TRAPPC12: variants seen among roughly 807,000 people sequenced by gnomAD.
The protein encoded by TRAPPC12 is trafficking protein particle complex subunit 12, also known as TPR repeat protein 15.
TRAPPC12 carries 61 observed loss-of-function variants against 69.2 expected under a neutral mutation model. That is an observed-to-expected ratio of 0.88 (90% CI 0.72 to 1.09). TRAPPC12 has a LOEUF of 1.09. Among genes scored for constraint, TRAPPC12 ranks in the 50% least tolerant of loss-of-function variants. The pLI is 0.00. For missense variants in TRAPPC12, 1,101 were observed against 1,016.4 expected, an observed-to-expected ratio of 1.08 and a Z score of -1.13; for synonymous variants, 469 against 438.9, an observed-to-expected ratio of 1.07 and a Z score of -0.86.
At chr2:3,410,660 A>G (rs1458057023) in intron 3 of TRAPPC12, among the ~76,000 whole-genome samples, 6 of 152,252 alleles carry the variant, frequency 3.9e-5, no homozygotes, top group African/African-American at 1.4e-4. Context: ...ATACGTAAGT[A>G]TCCATAATCA....
At chr2:3,424,029 G>A (rs1401502811) in intron 4 of TRAPPC12, among the ~76,000 whole-genome samples, 2 of 152,066 alleles carry the variant, frequency 1.3e-5, no homozygotes, top group African/African-American at 4.8e-5. Context: ...ACCCATCCCT[G>A]CGCTTCCTCT....
At chr2:3,400,471 G>C (rs115543074) in intron 2 of TRAPPC12, among the ~76,000 whole-genome samples, 1 of 151,982 alleles carries the variant, frequency 6.6e-6, no homozygotes, top group African/African-American at 2.4e-5. Context: ...CCCCCCAGCT[G>C]CCCCTGCCTC....
At position 3,460,268 on chromosome 2, in the gene TRAPPC12, A is replaced by C. The variant is rs140127955; in HGVS notation, c.1609A>C (p.Ile537Leu). The C allele has an allele frequency of 1.1e-6, 1 of 873,626 alleles. No individual in the cohort carries two copies. 54.1% of individuals were successfully genotyped at this position (873,626 alleles called of 1,614,324 possible). Residue 537 changes from isoleucine to leucine, a missense_variant, in exon 8 of 12, where the codon ATC becomes CTC. Transcript: ENST00000324266. ...SVTQEGRQAS[I>L]RLWRSRLGRV... is the part of the protein sequence containing the mutation. ...AGGCTGCTCTTACCTTGTAGCCTCTATCCGGCTGTGGAGGTCACGTCTGGG... is the reference window on the plus strand; with the variant it reads ...AGGCTGCTCTTACCTTGTAGCCTCTCTCCGGCTGTGGAGGTCACGTCTGGG...
intron 3 of TRAPPC12, among the ~76,000 whole-genome samples, chr2:3,407,962 G>C (rs1046973002): frequency 3.9e-4 from 60 of 152,160 alleles, no homozygotes; most frequent in African/African-American, 1.4e-3. Flanking sequence ...GGCTCTCACA[G>C]TAGCCACAGT....
rs150419515 is a variant in TRAPPC12, at chr2:3,424,698, C to G, written c.1417+35C>G. On this transcript the variant is annotated intron_variant, in intron 5 of 11. Coordinates refer to ENST00000324266, the MANE Select transcript of TRAPPC12 (RefSeq NM_016030.6). ...TGGTATTTAATATTTGTACATTTGTCTGTGTGTCGCTCTGGTTTGCTTTGA... is the reference window on the plus strand; with the variant it reads ...TGGTATTTAATATTTGTACATTTGTGTGTGTGTCGCTCTGGTTTGCTTTGA... 680 of 1,537,832 alleles carry G rather than the reference C, an allele frequency of 4.4e-4. 3 individuals carry two copies. In the East Asian group the frequency reaches 0.013, roughly 30 times the overall value.
At position 3,387,615 on chromosome 2, in the gene TRAPPC12, T is replaced by C. The variant is rs887489481; in HGVS notation, c.-4-5T>C. The C allele has an allele frequency of 2.0e-6, 3 of 1,522,938 alleles. No homozygotes were observed. Among genetic ancestry groups the C allele is most frequent in the African/African-American group, 1.4e-5 (1 of 71,816 alleles). The allele number at this position is 1,522,938 out of a possible 1,614,324, so 94.3% of individuals were successfully genotyped here. On this transcript the variant is annotated splice_region_variant and splice_polypyrimidine_tract_variant and intron_variant, in intron 1 of 11. Transcript: ENST00000324266. ...CAGGGGCCTTCTCTCTGTCTTTGCT[T>C]TCAGGGTCATGGAGGACGCTGGCGG...
chr2:3,419,504 A>G (rs998717285), intron 3 of TRAPPC12, among the ~76,000 whole-genome samples: 2 of 152,192 alleles, frequency 1.3e-5, no homozygotes, highest in African/African-American at 4.8e-5. Flanking sequence ...TAGTCTGGAC[A>G]GTTTAGGGGA....
chr2:3,466,991 A>G (rs369031729), intron 9 of TRAPPC12, among the ~76,000 whole-genome samples: 27 of 152,346 alleles, frequency 1.8e-4, no homozygotes, highest in African/African-American at 6.3e-4. Context: ...ATTTTATTTC[A>G]GAGTCATATT....
intron 3 of TRAPPC12, among the ~76,000 whole-genome samples, chr2:3,408,431 A>C (rs950124407): frequency 6.6e-6 from 1 of 152,200 alleles, no homozygotes; most frequent in Non-Finnish European, 1.5e-5. Context: ...GTTCAAGACC[A>C]GCCTGGGCAA....
chr2:3,452,539 G>A (rs1207039919), intron 6 of TRAPPC12, among the ~76,000 whole-genome samples: 1 of 152,132 alleles, frequency 6.6e-6, no homozygotes, highest in Admixed American at 6.5e-5. Context: ...AGGCTCCCCT[G>A]CCTCCACTCC....
intron 7 of TRAPPC12, among the ~76,000 whole-genome samples, chr2:3,459,206 A>G (rs1665350706): frequency 1.3e-5 from 2 of 152,232 alleles, no homozygotes; most frequent in Non-Finnish European, 2.9e-5. Context: ...GAGGGAGGCC[A>G]GGAGCACTCC....
At chr2:3,448,736 G>T (rs1664679927) in intron 6 of TRAPPC12, among the ~76,000 whole-genome samples, 2 of 149,932 alleles carry the variant, frequency 1.3e-5, no homozygotes. Flanking sequence ...GTTACGCGAG[G>T]GTAGGGCGTG....
Position 3,479,466 on chromosome 2 carries a change from C to A in TRAPPC12, c.*5C>A. ...CAGTGCCTCAAGCTGGCCTAGCTGC[C>A]TCCAACACACTACGTCAGAAGGACC... On this transcript the variant is annotated 3_prime_UTR_variant, in exon 12 of 12. Coordinates refer to ENST00000324266, the MANE Select transcript of TRAPPC12 (RefSeq NM_016030.6). 1 of 1,613,442 alleles carries A rather than the reference C, an allele frequency of 6.2e-7. No individual in the cohort carries two copies. Among genetic ancestry groups the A allele is most frequent in the Non-Finnish European group, 8.5e-7 (1 of 1,179,778 alleles).
chr2:3,448,802 A>G (rs569755877), intron 6 of TRAPPC12, among the ~76,000 whole-genome samples: 29 of 152,292 alleles, frequency 1.9e-4, no homozygotes, highest in African/African-American at 5.3e-4. Flanking sequence ...CGGGAGCACA[A>G]TCCGGGCCGA....
intron 9 of TRAPPC12, among the ~76,000 whole-genome samples, chr2:3,468,861 C>A (rs79201434): frequency 6.6e-6 from 1 of 152,170 alleles, no homozygotes; most frequent in African/African-American, 2.4e-5. Flanking sequence ...CATCTCAGCA[C>A]GGGATGGAGG....
Position 3,409,778 on chromosome 2 carries a change from A to G in TRAPPC12, c.1164+7885A>G, listed in dbSNP as rs35309019. On this transcript the variant is annotated intron_variant, in intron 3 of 11. Coordinates refer to ENST00000324266, the MANE Select transcript of TRAPPC12 (RefSeq NM_016030.6). ...AAAAAAAAAAAAAAAAAAAAAAAAA[A>G]GGGGAAGAAATGAAAAAATCCTGTT... 7.0e-4 allele frequency among the ~76,000 whole-genome samples: 96 copies of G among 137,210 alleles called. 1 individual carries two copies. The highest frequency in any genetic ancestry group is 8.1e-3 in the Middle Eastern group (2 of 246). The allele number at this position is 137,210 out of a possible 152,430, so 90.0% of individuals were successfully genotyped here. A position where few individuals can be genotyped will look rare whatever the true frequency, so the allele number is the denominator to read the frequency against.
At chr2:3,419,376 T>C (rs1165953371) in intron 3 of TRAPPC12, among the ~76,000 whole-genome samples, 1 of 152,254 alleles carries the variant, frequency 6.6e-6, no homozygotes, top group Non-Finnish European at 1.5e-5. Flanking sequence ...AAAGTGATTA[T>C]TGCATTGAAT....
At chr2:3,457,934 C>T (rs2103133968) in intron 7 of TRAPPC12, 5 of 1,397,912 alleles carry the variant, frequency 3.6e-6, no homozygotes, top group Middle Eastern at 2.5e-4. Context: ...CACGCCTTCA[C>T]CACAAAAGCA....
chr2:3,471,417 C>T (rs1296937040), intron 9 of TRAPPC12, among the ~76,000 whole-genome samples: 2 of 152,156 alleles, frequency 1.3e-5, no homozygotes, highest in African/African-American at 2.4e-5. Flanking sequence ...CAACTGTCAG[C>T]GCACCCGCCA....
Sources: gnomAD v4.1 joint callset for allele counts (sites outside exome capture counted in the v4.1 genomes callset) on GRCh38, gnomAD v4.1.1 for gene constraint, MANE v1.5 for transcripts, NCBI Gene and HGNC (gene_info 2026-07-23, HGNC 2026-07-21) for gene names.